PPIL3: variants seen among roughly 807,000 people sequenced by gnomAD.
The protein encoded by PPIL3 is peptidyl-prolyl cis-trans isomerase-like 3.
In PPIL3, 13 loss-of-function variants were observed where a neutral mutation model predicts 20.9. That is an observed-to-expected ratio of 0.62 (90% CI 0.40 to 0.99). PPIL3 has a LOEUF of 0.99. PPIL3 is among the 50% of genes least tolerant of loss of function. PPIL3 has a pLI of 0.00. For missense variants in PPIL3, 170 were observed against 195.2 expected (o/e 0.87, Z 0.77); for synonymous variants, 71 against 64.4 (o/e 1.10, Z -0.49).
At chr2:200,887,498 T>C in intron 2 of PPIL3, 115 bp downstream of exon 2, 1 of 665,066 alleles carries the variant, frequency 1.5e-6, no homozygotes, top group Admixed American at 2.8e-5. Flanking sequence ...GCTTCTATAT[T>C]ATACAATTTC....
chr2:200,873,167 GTTAA>G (rs1448777163), intron 6 of PPIL3, among the ~76,000 whole-genome samples: 1 of 150,470 alleles, frequency 6.6e-6, no homozygotes, highest in African/African-American at 2.4e-5. Context: ...AAGCCCAGCA[GTTAA>G]TTGTTTAATT....
At position 200,871,443 on chromosome 2, in the gene PPIL3, A is replaced by G; in HGVS notation, c.438T>C (p.Asp146=). 1 of 1,607,720 alleles carries G rather than the reference A, an allele frequency of 6.2e-7. No individual in the cohort carries two copies. Among genetic ancestry groups the G allele is most frequent in the Non-Finnish European group, 8.5e-7 (1 of 1,174,450 alleles). The change falls in exon 7 of 7, where the codon GAT becomes GAC. Residue 146 remains aspartate, a synonymous_variant. Transcript: ENST00000392283. ...VNEKTYRPLN[D]VHIKDITIHA... ...GAATAGTTATGTCCTTAATGTGTAC[A>G]TCATTAAGAGGTCGGTATGTCTTCT...
intron 1 of PPIL3, chr2:200,888,364 A>G (rs2040048866): frequency 6.6e-6 from 1 of 152,282 alleles, no homozygotes; most frequent in African/African-American, 2.4e-5. Flanking sequence ...TTAGCCCTTC[A>G]GCCCTAGGAC....
intron 6 of PPIL3, among the ~76,000 whole-genome samples, chr2:200,875,943 T>C (rs2039495657): frequency 6.6e-6 from 1 of 152,060 alleles, no homozygotes; most frequent in Admixed American, 6.6e-5. Context: ...CACAGAAGTT[T>C]TGATAAGAGC....
chr2:200,880,409 C>CTTTTTCT (rs2039681699), intron 5 of PPIL3, among the ~76,000 whole-genome samples: 1 of 131,888 alleles, frequency 7.6e-6, no homozygotes, highest in Non-Finnish European at 1.6e-5. Flanking sequence ...ATTGAGTAGA[C>CTTTTTCT]TTTTTTTTTT....
intron 5 of PPIL3, among the ~76,000 whole-genome samples, chr2:200,879,329 C>T (rs896654645): frequency 6.6e-6 from 1 of 152,002 alleles, no homozygotes; most frequent in Non-Finnish European, 1.5e-5. Flanking sequence ...CTGTGTTAGC[C>T]AGCATGGTCT....
intron 5 of PPIL3, 120 bp from the exon 6 acceptor site, chr2:200,877,157 C>G: frequency 1.5e-6 from 1 of 673,728 alleles, no homozygotes; most frequent in Non-Finnish European, 2.6e-6. Flanking sequence ...ATTGGGGTCT[C>G]ACTATGTTGC....
intron 5 of PPIL3, among the ~76,000 whole-genome samples, chr2:200,880,369 T>C (rs555239606): frequency 6.6e-6 from 1 of 151,810 alleles, no homozygotes; most frequent in Non-Finnish European, 1.5e-5. Flanking sequence ...GTAATGGAAA[T>C]ATAATAATAC....
intron 2 of PPIL3, among the ~76,000 whole-genome samples, chr2:200,886,617 G>A (rs1410063767): frequency 6.6e-6 from 1 of 151,990 alleles, no homozygotes; most frequent in Non-Finnish European, 1.5e-5. Context: ...GTAGAGACAG[G>A]GTTTCACCAT....
chr2:200,873,907 A>C (rs2039406953), intron 6 of PPIL3, among the ~76,000 whole-genome samples: 2 of 151,924 alleles, frequency 1.3e-5, no homozygotes, highest in Admixed American at 1.3e-4. Context: ...GTACTTTAAA[A>C]AATTAACAGA....
At chr2:200,885,838 T>C (rs2039918041) in intron 2 of PPIL3, 66 bp from the exon 3 acceptor site, 4 of 942,622 alleles carry the variant, frequency 4.2e-6, no homozygotes, top group Admixed American at 2.2e-5. Flanking sequence ...ATTGTTTATT[T>C]CCCTGTGTGG....
intron 6 of PPIL3, among the ~76,000 whole-genome samples, chr2:200,875,557 C>T (rs1249348620): frequency 4.6e-5 from 7 of 151,818 alleles, no homozygotes; most frequent in East Asian, 1.9e-4. Context: ...TGAGCCACCG[C>T]ACCCGGCTTT....
intron 4 of PPIL3, among the ~76,000 whole-genome samples, 190 bp downstream of exon 4, chr2:200,882,152 T>C (rs577784309): frequency 6.6e-6 from 1 of 152,322 alleles, no homozygotes; most frequent in South Asian, 2.1e-4. Flanking sequence ...GACAGGCTGA[T>C]AGGTGCAGCA....
At chr2:200,878,912 T>C (rs1046953624) in intron 5 of PPIL3, among the ~76,000 whole-genome samples, 3 of 152,142 alleles carry the variant, frequency 2.0e-5, no homozygotes, top group African/African-American at 4.8e-5. Flanking sequence ...ACAATCTACA[T>C]AGTGATTCAT....
rs1559346366 is a variant in PPIL3, at chr2:200,889,044, TTA to T, written c.-161_-160del. The T allele has an allele frequency of 6.4e-6, 3 of 471,038 alleles. No individual in the cohort carries two copies. Among genetic ancestry groups the T allele is most frequent in the Middle Eastern group, 3.2e-4 (1 of 3,100 alleles). The allele number at this position is 471,038 out of a possible 1,614,324, so 29.2% of individuals were successfully genotyped here. A position where few individuals can be genotyped will look rare whatever the true frequency, so the allele number is the denominator to read the frequency against. On this transcript the variant is annotated 5_prime_UTR_variant, in exon 1 of 7. Coordinates refer to ENST00000392283, the MANE Select transcript of PPIL3 (RefSeq NM_130906.3). Reference sequence around the variant, plus strand: ...CCAGCAGAGGTCTGTTGGTTCAAAATTATAGTTTCTTTGGGCCAGCGGAAGTT... The same window carrying T: ...CCAGCAGAGGTCTGTTGGTTCAAAATTAGTTTCTTTGGGCCAGCGGAAGTT...
intron 3 of PPIL3, among the ~76,000 whole-genome samples, chr2:200,884,110 T>C (rs1320579720): frequency 6.6e-6 from 1 of 150,974 alleles, no homozygotes; most frequent in African/African-American, 2.5e-5. Context: ...TCCATCCTTG[T>C]CATTTAAACA....
At chr2:200,887,206 G>A (rs868527438) in intron 2 of PPIL3, among the ~76,000 whole-genome samples, 3 of 151,894 alleles carry the variant, frequency 2.0e-5, no homozygotes, top group Non-Finnish European at 2.9e-5. Context: ...CCAAAATGGC[G>A]AAACCCCATC....
At chr2:200,878,103 C>T (rs2039588393) in intron 5 of PPIL3, among the ~76,000 whole-genome samples, 1 of 152,004 alleles carries the variant, frequency 6.6e-6, no homozygotes, top group South Asian at 2.1e-4. Flanking sequence ...AAGGTGTCCA[C>T]CAATCAAATG....
rs1423394918 is a variant in PPIL3 at position 200,887,621 on chromosome 2, C to T, written c.-6G>A. 1.9e-6 allele frequency: 3 copies of T among 1,601,928 alleles called. No individual in the cohort carries two copies. Among genetic ancestry groups the T allele is most frequent in the African/African-American group, 1.3e-5 (1 of 74,404 alleles). On this transcript the variant is annotated 5_prime_UTR_variant, in exon 2 of 7. Coordinates refer to ENST00000392283, the MANE Select transcript of PPIL3 (RefSeq NM_130906.3). ...AATTGCTCAAAACTTACCATTTTTCCTCTTAGTGGTTTCAGGAAGGACTAC... is the reference window on the plus strand; with the variant it reads ...AATTGCTCAAAACTTACCATTTTTCTTCTTAGTGGTTTCAGGAAGGACTAC...
Sources: gnomAD v4.1 joint callset for allele counts (sites outside exome capture counted in the v4.1 genomes callset) on GRCh38, gnomAD v4.1.1 for gene constraint, MANE v1.5 for transcripts, NCBI Gene and HGNC (gene_info 2026-07-23, HGNC 2026-07-21) for gene names.